DCAKD: variants seen among roughly 807,000 people sequenced by gnomAD.
DCAKD encodes dephospho-CoA kinase domain-containing protein.
Under a neutral mutation model 18.7 loss-of-function variants are expected in DCAKD, and 15 were observed. The observed-to-expected ratio is 0.80, with a 90% CI of 0.54 to 1.24. DCAKD has a LOEUF of 1.24. Ranked by LOEUF, DCAKD falls within the 50% of genes most tolerant of loss-of-function variation. The pLI is 0.00. For missense variants in DCAKD, 301 were observed against 322.0 expected, an observed-to-expected ratio of 0.93 and a Z score of 0.50; for synonymous variants, 130 against 133.0, an observed-to-expected ratio of 0.98 and a Z score of 0.16.
intron 1 of DCAKD, among the ~76,000 whole-genome samples, chr17:45,036,078 G>T (rs952856093): frequency 6.6e-6 from 1 of 152,308 alleles, no homozygotes; most frequent in South Asian, 2.1e-4. Flanking sequence ...GGCGTCCTCA[G>T]ACCAAGCAGC....
In DCAKD at chr17:45,024,473, A is replaced by T; in HGVS notation, c.656T>A (p.Leu219His). Residue 219 changes from leucine to histidine, a missense_variant, in exon 5 of 5, where the codon CTC (leucine) becomes CAC (histidine). Leu to His is a moderately conservative substitution (Grantham distance 99). Coordinates refer to ENST00000651974, the MANE Select transcript of DCAKD (RefSeq NM_001288655.2). ...AAGGTAGTGGGTGAGCAGGTAGAGG[A>T]GGCTGGCAATGGCAGCGAGCCCTGT... Reference protein sequence around the residue: ...VLTGLAAIASLLYLLTHYLLP... With the variant: ...VLTGLAAIASHLYLLTHYLLP... 1 of 1,612,994 alleles carries T rather than the reference A, an allele frequency of 6.2e-7. No individual in the cohort carries two copies. Among genetic ancestry groups the T allele is most frequent in the Non-Finnish European group, 8.5e-7 (1 of 1,179,064 alleles).
chr17:45,026,904 A>G (rs1184069395), intron 4 of DCAKD: 1 of 850,142 alleles, frequency 1.2e-6, no homozygotes, highest in Non-Finnish European at 1.4e-6. Context: ...GGCCCAGACC[A>G]CAGAGCCTCC....
rs751859587 is a variant in DCAKD at position 45,024,456 on chromosome 17, G to A, written c.673C>T (p.His225Tyr). The change falls in exon 5 of 5, where the codon CAC (histidine) becomes TAC (tyrosine). Residue 225 changes from histidine (H) to tyrosine (Y), a missense_variant. By Grantham distance (83) the His-to-Tyr change is moderately conservative (BLOSUM62 2). Transcript: ENST00000651974. ...CACTAGGCGTAAGGCAGAAGGTAGT[G>A]GGTGAGCAGGTAGAGGAGGCTGGCA... ...AIASLLYLLT[H>Y]YLLPYA 6.2e-7 allele frequency: 1 copy of A among 1,610,474 alleles called. No individual in the cohort carries two copies. Among genetic ancestry groups the A allele is most frequent in the South Asian group, 1.1e-5 (1 of 91,004 alleles).
chr17:45,031,058 T>C (rs548564766), intron 3 of DCAKD: 472 of 985,184 alleles, frequency 4.8e-4, no homozygotes, highest in Non-Finnish European at 5.0e-4. Flanking sequence ...GCAAGAAGGG[T>C]AAGAGATAGG....
intron 4 of DCAKD, among the ~76,000 whole-genome samples, chr17:45,029,353 T>C (rs1463304539): frequency 1.3e-5 from 2 of 152,248 alleles, no homozygotes; most frequent in Admixed American, 1.3e-4. Context: ...CCTTAGGCCC[T>C]TGAGGGCCAA....
chr17:45,034,000 G>C, intron 3 of DCAKD, 187 bp downstream of exon 3: 3 of 1,593,768 alleles, frequency 1.9e-6, no homozygotes, highest in Non-Finnish European at 2.5e-6. Context: ...CTCCTTAAGA[G>C]CTGAGGGAAC....
At chr17:45,045,057 T>A (rs996358101) in intron 1 of DCAKD, among the ~76,000 whole-genome samples, 1 of 150,002 alleles carries the variant, frequency 6.7e-6, no homozygotes, top group Non-Finnish European at 1.5e-5. Context: ...GATACCTTTA[T>A]CTAGGTATCT....
In DCAKD at chr17:45,024,256, C is replaced by T. The variant is rs557990755; in HGVS notation, c.*177G>A. On this transcript the variant is annotated 3_prime_UTR_variant, in exon 5 of 5. Transcript: ENST00000651974. Reference sequence around the variant, plus strand: ...ACACTCCAAAGACGGGATGGCCTGGCACAGAGGCCCAGCCCTGATTCGGAG... The same window carrying T: ...ACACTCCAAAGACGGGATGGCCTGGTACAGAGGCCCAGCCCTGATTCGGAG... 1.2e-6 allele frequency: 1 copy of T among 819,592 alleles called. No homozygotes were observed. The highest frequency in any genetic ancestry group is 2.7e-5 in the East Asian group (1 of 36,856). The allele number at this position is 819,592 out of a possible 1,614,324, so 50.8% of individuals were successfully genotyped here. A position where few individuals can be genotyped will look rare whatever the true frequency, so the allele number is the denominator to read the frequency against.
intron 1 of DCAKD, among the ~76,000 whole-genome samples, chr17:45,059,963 G>A (rs949005845): frequency 2.8e-4 from 42 of 152,212 alleles, no homozygotes; most frequent in African/African-American, 1.0e-3. Context: ...AATTAGCCAG[G>A]TGTGGTGGCG....
At chr17:45,055,235 C>T (rs2053768020), upstream of DCAKD, among the ~76,000 whole-genome samples, 1 of 152,226 alleles carries the variant, frequency 6.6e-6, no homozygotes, top group African/African-American at 2.4e-5. Context: ...TCTCAGTCAC[C>T]TCTGTGTCCT....
At position 45,034,278 on chromosome 17, in the gene DCAKD, G is replaced by C; in HGVS notation, c.225C>G (p.Asn75Lys). The C allele has an allele frequency of 6.2e-7, 1 of 1,614,196 alleles. No homozygotes were observed. The part of the protein sequence containing the change: ...NRKVLGDLIF[N>K]QPDRRQLLNA... ...TGAGCAGCTGCCGCCGGTCAGGCTG[G>C]TTAAAGATCAGGTCCCCCAGGACCT... is the stretch of plus-strand genomic sequence containing the variant. Residue 75 changes from asparagine to lysine, a missense_variant, in exon 3 of 5, where the codon AAC becomes AAG. By Grantham distance (94) the Asn-to-Lys change is moderately conservative. Coordinates refer to ENST00000651974, the MANE Select transcript of DCAKD (RefSeq NM_001288655.2).
chr17:45,038,308 C>T (rs2053351478), intron 1 of DCAKD, among the ~76,000 whole-genome samples: 2 of 152,150 alleles, frequency 1.3e-5, no homozygotes, highest in South Asian at 4.1e-4. Flanking sequence ...AAACTCCTGA[C>T]CTCAGGTGAT....
chr17:45,029,469 A>C (rs973710782), intron 4 of DCAKD, among the ~76,000 whole-genome samples: 1 of 152,318 alleles, frequency 6.6e-6, no homozygotes, highest in African/African-American at 2.4e-5. Context: ...CTGCGGACTC[A>C]TCTACTTTCA....
intron 1 of DCAKD, among the ~76,000 whole-genome samples, chr17:45,058,439 A>G (rs1489625415): frequency 6.7e-6 from 1 of 149,530 alleles, no homozygotes; most frequent in Admixed American, 6.7e-5. Flanking sequence ...ATTTTTTTTG[A>G]GACAGAGTCC....
At chr17:45,031,545 ATAGTTACTGTTGCAG>A in intron 3 of DCAKD, 8 of 985,362 alleles carry the variant, frequency 8.1e-6, no homozygotes, top group Non-Finnish European at 9.6e-6. Flanking sequence ...CCCCAAAATG[ATAGTTACTGTTGCAG>A]GGGGAGGCCA....
intron 1 of DCAKD, among the ~76,000 whole-genome samples, chr17:45,045,735 A>T (rs2053552137): frequency 6.6e-6 from 1 of 150,566 alleles, no homozygotes; most frequent in East Asian, 2.0e-4. Context: ...CTGTCTCAAA[A>T]AAAAAAAAAA....
rs547307274 is a variant in DCAKD, at chr17:45,030,521, C to T, written c.317-342G>A. On this transcript the variant is annotated intron_variant, in intron 3 of 4. Transcript: ENST00000651974. ...ACAGGGAGAGGGAGGCTCTACTGTG[C>T]GGGCTGAAGCAGAGGCCTCAGGCCG... Among the ~76,000 whole-genome samples the T allele has an allele frequency of 5.3e-5, 8 of 152,320 alleles. No homozygotes were observed. The South Asian group carries it at 1.0e-3, about 20-fold the overall frequency.
chr17:45,043,127 A>G (rs2143312252), intron 1 of DCAKD, among the ~76,000 whole-genome samples: 1 of 152,230 alleles, frequency 6.6e-6, no homozygotes, highest in African/African-American at 2.4e-5. Context: ...AATTTAATTC[A>G]GCATCCTGAG....
chr17:45,041,195 C>T (rs142437085), intron 1 of DCAKD, among the ~76,000 whole-genome samples: 2 of 152,084 alleles, frequency 1.3e-5, no homozygotes, highest in Non-Finnish European at 2.9e-5. Flanking sequence ...TGCCTTCTCC[C>T]GCCTCCTCCT....
Sources: allele counts gnomAD v4.1 joint callset (sites outside exome capture counted in the v4.1 genomes callset), GRCh38; gene constraint gnomAD v4.1.1; transcripts MANE v1.5; gene names NCBI Gene and HGNC (gene_info 2026-07-23, HGNC 2026-07-21).